Variants in ATP5PO observed in about 807,000 individuals in gnomAD.
ATP5PO encodes the protein ATP synthase peripheral stalk subunit OSCP, mitochondrial.
A neutral mutation model predicts 26.2 loss-of-function variants in ATP5PO; 14 were observed. The observed-to-expected ratio is 0.53, with a 90% CI of 0.35 to 0.83. The LOEUF (loss-of-function observed/expected upper bound fraction) is 0.83. Among genes scored for constraint, ATP5PO ranks in the 40% least tolerant of loss-of-function variants. The pLI is 0.01. For synonymous variants in ATP5PO, 106 were observed against 95.1 expected, an observed-to-expected ratio of 1.12 and a Z score of -0.67; for missense variants, 241 against 258.5, an observed-to-expected ratio of 0.93 and a Z score of 0.46.
At chr21:33,910,349 A>T (rs1480469407) in intron 3 of ATP5PO, among the ~76,000 whole-genome samples, 8 of 152,150 alleles carry the variant, frequency 5.3e-5, no homozygotes, top group Non-Finnish European at 1.2e-4. Flanking sequence ...AAAATGCAGG[A>T]ATATACAGAT....
intron 3 of ATP5PO, among the ~76,000 whole-genome samples, chr21:33,910,221 C>T (rs1356591001): frequency 3.3e-5 from 5 of 152,206 alleles, no homozygotes; most frequent in Admixed American, 2.6e-4. Context: ...GCTCCTAGCA[C>T]CTCCTCCCAG....
At chr21:33,905,394 A>G (rs1033716189) in intron 5 of ATP5PO, among the ~76,000 whole-genome samples, 2 of 152,254 alleles carry the variant, frequency 1.3e-5, no homozygotes, top group East Asian at 3.9e-4. Context: ...ACGGAGGCTC[A>G]GGGTGGGTAA....
In ATP5PO at chr21:33,903,977, CTT is replaced by C. The variant is rs1443826696; in HGVS notation, c.484_485del (p.Lys162GlufsTer14). ...ATLSELKTVLKSFLSQGQVLK... is the reference protein window; with the variant it reads ...ATLSELKTVLXSFLSQGQVLK... ...ATACTTGGCCTTGACTTAGGAAGCTCTTGAGGACAGTTTTTAATTCAGAGAGT... is the reference window on the plus strand; with the variant it reads ...ATACTTGGCCTTGACTTAGGAAGCTCGAGGACAGTTTTTAATTCAGAGAGT... On this transcript the variant is annotated frameshift_variant, in exon 6 of 7. Coordinates refer to ENST00000290299, the MANE Select transcript of ATP5PO (RefSeq NM_001697.3). LOFTEE classifies it high-confidence loss of function. The C allele has an allele frequency of 2.5e-6, 4 of 1,613,556 alleles. No homozygotes were observed. Among genetic ancestry groups the C allele is most frequent in the African/African-American group, 2.7e-5 (2 of 74,888 alleles).
At chr21:33,915,436 A>G (rs1043351810) in intron 1 of ATP5PO, 52 of 480,718 alleles carry the variant, frequency 1.1e-4, no homozygotes, top group Middle Eastern at 5.2e-4. Context: ...CTTCCCCGGA[A>G]TTCAGCGAAG....
chr21:33,915,794 A>G lies in ATP5PO; in HGVS notation c.-31T>C. The G allele has an allele frequency of 1.3e-6, 2 of 1,556,266 alleles. No individual in the cohort carries two copies. The highest frequency in any genetic ancestry group is 2.4e-5 in the East Asian group (1 of 42,028). ...CCCGGGCGGCTGTAGGTCAAACCCG[A>G]GTGGGAAGAGAGAAACGCGCAAGGG... On this transcript the variant is annotated 5_prime_UTR_variant, in exon 1 of 7. Transcript: ENST00000290299.
chr21:33,903,631 CG>C lies in ATP5PO; in HGVS notation c.536del (p.Pro179ArgfsTer7). The C allele has an allele frequency of 1.2e-6, 2 of 1,613,868 alleles. No individual in the cohort carries two copies. The highest frequency in any genetic ancestry group is 8.5e-7 in the Non-Finnish European group (1 of 1,179,900). The part of the protein sequence containing the change: ...QVLKLEAKTD[P>X]SILGGMIVRI... ...GCACAATCATTCCACCCAAGATTGA[CG>C]GATCAGTCTACAAAAGAAGTAAGAC... On this transcript the variant is annotated frameshift_variant, in exon 7 of 7. Transcript: ENST00000290299. LOFTEE classifies it high-confidence loss of function.
intron 4 of ATP5PO, among the ~76,000 whole-genome samples, chr21:33,908,599 C>T (rs943385155): frequency 2.6e-5 from 4 of 152,092 alleles, no homozygotes; most frequent in Admixed American, 2.6e-4. Context: ...TTCCCAGCTA[C>T]TAGGGAGGCT....
At chr21:33,914,331 A>C in intron 2 of ATP5PO, 119 bp downstream of exon 2, 1 of 984,910 alleles carries the variant, frequency 1.0e-6, no homozygotes, top group Non-Finnish European at 1.5e-6. Flanking sequence ...TTTGGGAACC[A>C]CAAGTCACGC....
At chr21:33,913,952 G>A (rs577204709) in intron 2 of ATP5PO, among the ~76,000 whole-genome samples, 1 of 152,210 alleles carries the variant, frequency 6.6e-6, no homozygotes, top group South Asian at 2.1e-4. Context: ...GCTAATCTTT[G>A]TATGCTTAGT....
chr21:33,910,820 A>G (rs1214948706), intron 3 of ATP5PO, among the ~76,000 whole-genome samples: 1 of 152,260 alleles, frequency 6.6e-6, no homozygotes, highest in Non-Finnish European at 1.5e-5. Flanking sequence ...AGGAAGGAAT[A>G]TGGAGCTAAA....
chr21:33,912,759 G>C (rs1987265608), intron 2 of ATP5PO, among the ~76,000 whole-genome samples: 1 of 152,204 alleles, frequency 6.6e-6, no homozygotes, highest in Non-Finnish European at 1.5e-5. Flanking sequence ...TCAAGTATGG[G>C]AGGTTGTGAA....
At chr21:33,911,642 CACCT>C (rs1479043424) in intron 3 of ATP5PO, among the ~76,000 whole-genome samples, 3 of 149,604 alleles carry the variant, frequency 2.0e-5, no homozygotes, top group Non-Finnish European at 4.4e-5. Flanking sequence ...ATATTCTAAA[CACCT>C]AGCCCATAAG....
At chr21:33,912,185 C>T (rs941809143) in intron 3 of ATP5PO, 104 bp downstream of exon 3, 40 of 869,450 alleles carry the variant, frequency 4.6e-5, no homozygotes, top group Non-Finnish European at 6.4e-5. Context: ...GGCTTTTTCC[C>T]AGTTTTTTCT....
At chr21:33,904,182 C>T (rs185708476) in intron 5 of ATP5PO, among the ~76,000 whole-genome samples, 161 bp from the exon 6 acceptor site, 82 of 152,334 alleles carry the variant, frequency 5.4e-4, no homozygotes, top group Admixed American at 5.2e-3. Flanking sequence ...TCCTTGTTCA[C>T]GCTGGAGGTT....
At chr21:33,907,298 T>G (rs779516024) in intron 5 of ATP5PO, 43 bp downstream of exon 5, 1 of 1,513,154 alleles carries the variant, frequency 6.6e-7, no homozygotes, top group Non-Finnish European at 9.2e-7. Flanking sequence ...AGGTGACACA[T>G]GTAATATCAA....
intron 5 of ATP5PO, among the ~76,000 whole-genome samples, chr21:33,904,699 A>G (rs1369330487): frequency 6.6e-6 from 1 of 152,164 alleles, no homozygotes; most frequent in Non-Finnish European, 1.5e-5. Context: ...GTTATGTTAT[A>G]GTGTTAAGTG....
At chr21:33,911,668 T>G (rs979684682) in intron 3 of ATP5PO, among the ~76,000 whole-genome samples, 1 of 136,582 alleles carries the variant, frequency 7.3e-6, no homozygotes, top group African/African-American at 2.6e-5. Flanking sequence ...ATAGGTTTTT[T>G]TTTTTTTTTT....
intron 6 of ATP5PO, 77 bp from the exon 7 acceptor site, chr21:33,903,716 A>G (rs557261202): frequency 1.4e-6 from 2 of 1,472,208 alleles, no homozygotes; most frequent in Admixed American, 1.7e-5. Flanking sequence ...TTGAAAGGCT[A>G]AATGTGTTGC....
At chr21:33,909,462 C>T (rs947837571) in intron 3 of ATP5PO, among the ~76,000 whole-genome samples, 2 of 152,068 alleles carry the variant, frequency 1.3e-5, no homozygotes, top group Non-Finnish European at 2.9e-5. Flanking sequence ...AACGGGGTTT[C>T]GCCATGTTGA....
Sources: allele counts gnomAD v4.1 joint callset (sites outside exome capture counted in the v4.1 genomes callset), GRCh38; gene constraint gnomAD v4.1.1; transcripts MANE v1.5; gene names NCBI Gene and HGNC (gene_info 2026-07-23, HGNC 2026-07-21).